TACC2: variants seen among roughly 807,000 people sequenced by gnomAD.
TACC2 encodes the protein transforming acidic coiled-coil-containing protein 2.
TACC2 carries 137 observed loss-of-function variants against 227.3 expected under a neutral mutation model. That is an observed-to-expected ratio of 0.60 (90% CI 0.52 to 0.69). TACC2 has a LOEUF of 0.69. Ranked by LOEUF, TACC2 falls within the 30% of genes least tolerant of loss-of-function variation. The probability of loss-of-function intolerance (pLI) is 0.00; values close to 1 mark genes in which losing one functional copy is unlikely to be tolerated. For synonymous variants in TACC2, 1,523 were observed against 1,487.5 expected, an observed-to-expected ratio of 1.02 and a Z score of -0.55; for missense variants, 3,470 against 3,694.4, an observed-to-expected ratio of 0.94 and a Z score of 1.57.
intron 1 of TACC2, among the ~76,000 whole-genome samples, chr10:121,995,794 G>A (rs771938181): frequency 9.9e-5 from 15 of 152,106 alleles, no homozygotes; most frequent in African/African-American, 1.9e-4. Flanking sequence ...TCGTTCTGTC[G>A]CCAGGCTGGA....
chr10:122,065,409 G>A (rs2077272909), intron 3 of TACC2, among the ~76,000 whole-genome samples: 1 of 152,042 alleles, frequency 6.6e-6, no homozygotes, highest in African/African-American at 2.4e-5. Context: ...TCAGAAATGT[G>A]TTATTGTTTC....
intron 22 of TACC2, among the ~76,000 whole-genome samples, chr10:122,249,945 T>C (rs1222719534): frequency 6.6e-6 from 1 of 152,228 alleles, no homozygotes; most frequent in Non-Finnish European, 1.5e-5. Flanking sequence ...ATTTATTAAG[T>C]GCCTACAATG....
intron 3 of TACC2, among the ~76,000 whole-genome samples, chr10:122,069,758 G>A (rs1485084026): frequency 6.6e-6 from 1 of 152,156 alleles, no homozygotes; most frequent in Non-Finnish European, 1.5e-5. Flanking sequence ...ATTTATTTTG[G>A]AAGAGGTGGG....
chr10:122,216,896 G>A (rs1565663392), intron 11 of TACC2, 68 bp downstream of exon 11: 4 of 1,612,738 alleles, frequency 2.5e-6, no homozygotes, highest in Non-Finnish European at 3.4e-6. Context: ...GGGAGCCAAA[G>A]GCCAGGAGAG....
intron 9 of TACC2, among the ~76,000 whole-genome samples, chr10:122,212,773 A>G (rs915193489): frequency 3.2e-4 from 49 of 152,324 alleles, no homozygotes; most frequent in African/African-American, 1.1e-3. Flanking sequence ...TCAACCTGCC[A>G]CTGTCTAGTG....
rs148818744 is a variant in TACC2, at chr10:122,077,316, G to C, written c.147-5331G>C. Among the ~76,000 whole-genome samples, 586 of 152,216 alleles carry C rather than the reference G, an allele frequency of 3.8e-3. 5 individuals carry two copies. Among genetic ancestry groups the C allele is most frequent in the African/African-American group, 0.013 (550 of 41,526 alleles). The stretch of plus-strand genomic sequence containing the variant: ...GTTATATGCCAGGCACCAGGGATAT[G>C]ATATTGAAAGGAGACTAGGACCTGG... On this transcript the variant is annotated intron_variant, in intron 3 of 22. Transcript: ENST00000369005.
At chr10:122,004,367 T>C (rs1012568384) in intron 1 of TACC2, among the ~76,000 whole-genome samples, 10 of 149,638 alleles carry the variant, frequency 6.7e-5, no homozygotes, top group Admixed American at 4.7e-4. Flanking sequence ...TACTGCACTC[T>C]AGCCTGGGCG....
chr10:122,033,281 G>A (rs901365107), intron 2 of TACC2: 4 of 485,760 alleles, frequency 8.2e-6, no homozygotes, highest in Non-Finnish European at 1.1e-5. Flanking sequence ...CTCTTCCATT[G>A]CTTCTTCCAT....
In TACC2 at chr10:122,061,817, G is replaced by C. The variant is rs182300961; in HGVS notation, c.146+11267G>C. On this transcript the variant is annotated intron_variant, in intron 3 of 22. Transcript: ENST00000369005. Reference sequence around the variant, plus strand: ...GTGGGGTCTCTGGGAGCACAGGGGCGGGGAGAGAGGGGCTGGCTCTGCTGG... The same window carrying C: ...GTGGGGTCTCTGGGAGCACAGGGGCCGGGAGAGAGGGGCTGGCTCTGCTGG... Among the ~76,000 whole-genome samples, 494 of 152,118 alleles carry C rather than the reference G, an allele frequency of 3.2e-3. 3 individuals carry two copies. Among genetic ancestry groups the C allele is most frequent in the African/African-American group, 0.011 (470 of 41,506 alleles).
At position 122,141,519 on chromosome 10, in the gene TACC2, C is replaced by T. The variant is rs368393216; in HGVS notation, c.5700-2053C>T. On this transcript the variant is annotated intron_variant, in intron 6 of 22. Transcript: ENST00000369005. The surrounding 1 kb of genome is among the most constrained non-coding windows in gnomAD (Gnocchi z 4.3). ...AGCAGCTGTGGGTGTTAAGGGCAGG[C>T]GGGGGAGCTTGGTGAGTGAGCCTTG... Among the ~76,000 whole-genome samples, 47 of 152,076 alleles carry T rather than the reference C, an allele frequency of 3.1e-4. 1 individual carries two copies. The East Asian group carries it at 8.1e-3, about 26-fold the overall frequency.
rs887060028 is a variant in TACC2, at chr10:122,210,009, A to G, written c.5972-388A>G. 7 of 227,070 alleles carry G rather than the reference A, an allele frequency of 3.1e-5. No homozygotes were observed. The highest frequency in any genetic ancestry group is 4.4e-5 in the Non-Finnish European group (5 of 114,120). The allele number at this position is 227,070 out of a possible 1,614,324, so 14.1% of individuals were successfully genotyped here. A position where few individuals can be genotyped will look rare whatever the true frequency, so the allele number is the denominator to read the frequency against. ...GCCCGGCCCTGGTGGTTTATTCGCT[A>G]TCTTCCCCTGAAGAATGTGACTTCC... On this transcript the variant is annotated intron_variant, in intron 8 of 22. Transcript: ENST00000369005. This position sits in a 1 kb window ranked among gnomAD's most constrained non-coding sequence, Gnocchi z 4.6.
intron 2 of TACC2, among the ~76,000 whole-genome samples, chr10:122,032,109 A>C (rs577441179): frequency 3.3e-5 from 5 of 152,296 alleles, no homozygotes; most frequent in African/African-American, 1.2e-4. Context: ...GGACACTCTG[A>C]TAGCCATGTG....
rs753744351 is a variant in TACC2 at position 122,211,588 on chromosome 10, C to T, written c.7163C>T (p.Pro2388Leu). 5 of 1,614,070 alleles carry T rather than the reference C, an allele frequency of 3.1e-6. No individual in the cohort carries two copies. The Admixed American group carries it at 6.7e-5, about 22-fold the overall frequency. ...CCCTTTAAGACATCCTCTAAGACCC[C>T]CAGCTCACCTTCTAAATCCCCAGCC... Reference protein sequence around the residue: ...VDPFKTSSKTPSSPSKSPASF... With the variant: ...VDPFKTSSKTLSSPSKSPASF... Residue 2388 changes from proline to leucine, a missense_variant, in exon 9 of 23, where the codon CCC becomes CTC. By Grantham distance (98) the Pro-to-Leu change is moderately conservative. Coordinates refer to ENST00000369005, the MANE Select transcript of TACC2 (RefSeq NM_206862.4).
At chr10:122,070,412 C>A (rs540992558) in intron 3 of TACC2, among the ~76,000 whole-genome samples, 1 of 151,966 alleles carries the variant, frequency 6.6e-6, no homozygotes, top group Non-Finnish European at 1.5e-5. Flanking sequence ...AGTTTGAGAC[C>A]AGCCTGGGAA....
rs111994437 is a variant in TACC2 at position 122,210,682 on chromosome 10, C to T, written c.6257C>T (p.Ser2086Leu). 3.3e-5 allele frequency: 53 copies of T among 1,613,964 alleles called. No individual in the cohort carries two copies. Among genetic ancestry groups the T allele is most frequent in the East Asian group, 4.5e-5 (2 of 44,872 alleles). ...ATCTCTAAGTCTACACTGTCCCGGT[C>T]GCTCAGCCTGCAAGCCAGTGACTTT... Reference protein sequence around the residue: ...VPISKSTLSRSLSLQASDFDG... With the variant: ...VPISKSTLSRLLSLQASDFDG... The change falls in exon 9 of 23, where the codon TCG becomes TTG. Residue 2086 changes from serine (S) to leucine (L), a missense_variant. By Grantham distance (145) the Ser-to-Leu change is moderately radical. Around this residue, in one of 10 missense-constraint regions of TACC2, gnomAD observed 593 missense variants for 636.6 expected, o/e 0.93. Coordinates refer to ENST00000369005, the MANE Select transcript of TACC2 (RefSeq NM_206862.4). The surrounding 1 kb of genome is among the most constrained non-coding windows in gnomAD (Gnocchi z 4.6).
At chr10:122,096,932 G>C (rs1310871903) in intron 5 of TACC2, among the ~76,000 whole-genome samples, 1 of 152,196 alleles carries the variant, frequency 6.6e-6, no homozygotes, top group Non-Finnish European at 1.5e-5. Context: ...GACTGTGAAA[G>C]TGTTTCTTTT....
At chr10:122,100,813 A>G (rs905517382) in intron 5 of TACC2, among the ~76,000 whole-genome samples, 1 of 152,204 alleles carries the variant, frequency 6.6e-6, no homozygotes, top group Non-Finnish European at 1.5e-5. Flanking sequence ...CTGTAAAGAC[A>G]TAAGAGGCAG....
In TACC2 at chr10:122,083,157, G is replaced by A. The variant is rs2079726522; in HGVS notation, c.657G>A (p.Gln219=). 1.9e-6 allele frequency: 3 copies of A among 1,613,122 alleles called. No homozygotes were observed. Among genetic ancestry groups the A allele is most frequent in the South Asian group, 1.1e-5 (1 of 91,086 alleles). The part of the protein sequence containing the change: ...MKAPLCGEGD[Q]PGGFESQEKE... ...CACCGCTGTGTGGAGAGGGGGACCA[G>A]CCTGGTGGTTTTGAGTCCCAAGAGA... Residue 219 remains glutamine (Q), a synonymous_variant, in exon 4 of 23, where the codon CAG becomes CAA. Transcript: ENST00000369005.
chr10:122,211,172 T>C lies in TACC2; in HGVS notation c.6747T>C (p.Asp2249=), dbSNP rs780028150. ...APEAGEVTPS[D]SGGQEDSPAK... The stretch of plus-strand genomic sequence containing the variant: ...AGGCAGGGGAGGTAACCCCATCGGA[T>C]AGCGGGGGGCAAGAGGACTCTCCAG... Residue 2249 remains aspartate, a synonymous_variant, in exon 9 of 23, where the codon GAT becomes GAC. Coordinates refer to ENST00000369005, the MANE Select transcript of TACC2 (RefSeq NM_206862.4). 6.2e-6 allele frequency: 10 copies of C among 1,612,272 alleles called. No homozygotes were observed. In the East Asian group the frequency reaches 2.0e-4, roughly 32 times the overall value.
Sources: allele counts gnomAD v4.1 joint callset (sites outside exome capture counted in the v4.1 genomes callset), GRCh38; gene constraint gnomAD v4.1.1; regional missense constraint gnomAD v4.1.1; non-coding constraint Gnocchi (gnomAD v3.1); transcripts MANE v1.5; gene names NCBI Gene and HGNC (gene_info 2026-07-23, HGNC 2026-07-21).